B4GALNT3: variants seen among roughly 807,000 people sequenced by gnomAD.
B4GALNT3 encodes the protein beta-1,4-N-acetylgalactosaminyltransferase 3.
Under a neutral mutation model 120.2 loss-of-function variants are expected in B4GALNT3, and 86 were observed. That is an observed-to-expected ratio of 0.72 (90% confidence interval 0.60 to 0.86). The LOEUF is 0.86. Among genes scored for constraint, B4GALNT3 ranks in the 40% least tolerant of loss-of-function variants. B4GALNT3 has a pLI of 0.00. For missense variants in B4GALNT3, 1,167 were observed against 1,298.9 expected (o/e 0.90, Z 1.56); for synonymous variants, 518 against 510.4 (o/e 1.01, Z -0.20).
chr12:544,787 T>C, intron 4 of B4GALNT3, 95 bp from the exon 5 acceptor site: 1 of 1,241,470 alleles, frequency 8.1e-7, no homozygotes, highest in Non-Finnish European at 1.2e-6. Flanking sequence ...TGGTCCCTCC[T>C]GTCATAGTCC....
At chr12:504,806 C>T (rs1388444810) in intron 1 of B4GALNT3, among the ~76,000 whole-genome samples, 1 of 152,080 alleles carries the variant, frequency 6.6e-6, no homozygotes. Context: ...GCCCTTAATT[C>T]CCTTAACCCT....
chr12:509,624 G>T (rs34019521), intron 1 of B4GALNT3, among the ~76,000 whole-genome samples: 15 of 152,076 alleles, frequency 9.9e-5, no homozygotes, highest in Non-Finnish European at 1.9e-4. Context: ...CCTGGGTAGG[G>T]GGGTGGCAAG....
intron 1 of B4GALNT3, among the ~76,000 whole-genome samples, chr12:496,686 A>G (rs988863520): frequency 9.9e-5 from 15 of 152,078 alleles, no homozygotes; most frequent in African/African-American, 3.1e-4. Flanking sequence ...CTAGTTCCCA[A>G]ATATTTCCGT....
At chr12:551,949 C>T (rs1452961988) in intron 11 of B4GALNT3, 114 bp from the exon 12 acceptor site, 10 of 790,830 alleles carry the variant, frequency 1.3e-5, no homozygotes, top group Middle Eastern at 2.3e-4. Flanking sequence ...CTGCCAAGGG[C>T]GGGTCCCTAG....
Position 465,392 on chromosome 12 carries a change from CTGTGTT to C in B4GALNT3, c.169+4849_169+4854del, listed in dbSNP as rs1377761879. Among the ~76,000 whole-genome samples the C allele has an allele frequency of 3.3e-5, 5 of 152,276 alleles. No homozygotes were observed. In the East Asian group the frequency reaches 5.8e-4, roughly 18 times the overall value. On this transcript the variant is annotated intron_variant, in intron 1 of 19. Coordinates refer to ENST00000266383, the MANE Select transcript of B4GALNT3 (RefSeq NM_173593.4). ...ACCTGATATTTTCCACTGGCAGATA[CTGTGTT>C]TATCAGGGACTGATCCAAGAATAGA...
intron 1 of B4GALNT3, among the ~76,000 whole-genome samples, chr12:478,109 G>A (rs1290564679): frequency 6.6e-6 from 1 of 152,006 alleles, no homozygotes; most frequent in Non-Finnish European, 1.5e-5. Flanking sequence ...AGTTAGCCAG[G>A]CATGGTGGCC....
At chr12:498,155 C>G (rs1372652611) in intron 1 of B4GALNT3, among the ~76,000 whole-genome samples, 1 of 152,204 alleles carries the variant, frequency 6.6e-6, no homozygotes, top group Non-Finnish European at 1.5e-5. Flanking sequence ...GGCAGTGCCC[C>G]ACAGTTGCCC....
In B4GALNT3 at chr12:511,013, CTTTTTTTTTTTTTTTTTTTT is replaced by C. The variant is rs762032000; in HGVS notation, c.170-24130_170-24111del. On this transcript the variant is annotated intron_variant, in intron 1 of 19. Coordinates refer to ENST00000266383, the MANE Select transcript of B4GALNT3 (RefSeq NM_173593.4). ...TTTGGTCTCTATGGATTTGCCTATT[CTTTTTTTTTTTTTTTTTTTT>C]TTTTTTTTTTTTTTTTTTTTTTGAG... Among the ~76,000 whole-genome samples, 422 of 43,880 alleles carry C rather than the reference CTTTTTTTTTTTTTTTTTTTT, an allele frequency of 9.6e-3. 8 individuals are homozygous for C. Among genetic ancestry groups the C allele is most frequent in the African/African-American group, 0.032 (388 of 12,270 alleles). The allele number at this position is 43,880 out of a possible 152,430, so 28.8% of individuals were successfully genotyped here.
chr12:539,396 T>C (rs1027528443), intron 3 of B4GALNT3, among the ~76,000 whole-genome samples: 1 of 152,118 alleles, frequency 6.6e-6, no homozygotes, highest in Non-Finnish European at 1.5e-5. Context: ...AGAAAGAAAT[T>C]TGGTGAGTAC....
rs1947113460 is a variant in B4GALNT3 at position 553,848 on chromosome 12, A to G, written c.1925A>G (p.Asn642Ser). 1.2e-6 allele frequency: 2 copies of G among 1,614,166 alleles called. No individual in the cohort carries two copies. Among genetic ancestry groups the G allele is most frequent in the African/African-American group, 2.7e-5 (2 of 75,042 alleles). ...TGGGACCAGACCTTCAGTGCCCGGA[A>G]TCTCGACTTCCAAGCCCTGAGGACT... Reference protein sequence around the residue: ...VNWDQTFSARNLDFQALRTDW... With the variant: ...VNWDQTFSARSLDFQALRTDW... Residue 642 changes from asparagine (N) to serine (S), a missense_variant, in exon 14 of 20, where the codon AAT becomes AGT. Asn to Ser is a conservative substitution (Grantham distance 46, BLOSUM62 1). Around this residue, in one of 3 missense-constraint regions of B4GALNT3, gnomAD observed 983 missense variants for 1,102.5 expected, o/e 0.89. Coordinates refer to ENST00000266383, the MANE Select transcript of B4GALNT3 (RefSeq NM_173593.4).
chr12:512,914 ACCT>A (rs1946608091), intron 1 of B4GALNT3, among the ~76,000 whole-genome samples: 1 of 93,960 alleles, frequency 1.1e-5, no homozygotes, highest in Non-Finnish European at 2.2e-5. Context: ...TCCGCTTTCC[ACCT>A]TCTGCCTTCC....
chr12:500,767 C>T (rs1946431450), intron 1 of B4GALNT3, among the ~76,000 whole-genome samples: 1 of 150,800 alleles, frequency 6.6e-6, no homozygotes, highest in East Asian at 2.0e-4. Flanking sequence ...AAGGCCAGGG[C>T]TGGCATCCAT....
intron 1 of B4GALNT3, among the ~76,000 whole-genome samples, chr12:462,365 C>T (rs1206496959): frequency 6.7e-6 from 1 of 149,644 alleles, no homozygotes; most frequent in Admixed American, 6.7e-5. Context: ...TCTTTTACCT[C>T]CGGTGTGTTT....
chr12:496,549 A>G (rs1480744895), intron 1 of B4GALNT3, among the ~76,000 whole-genome samples: 1 of 152,126 alleles, frequency 6.6e-6, no homozygotes, highest in Non-Finnish European at 1.5e-5. Context: ...GCAGTGAGCC[A>G]ATATTGCACT....
At chr12:547,210 G>A (rs1393532755) in intron 7 of B4GALNT3, among the ~76,000 whole-genome samples, 2 of 152,130 alleles carry the variant, frequency 1.3e-5, no homozygotes, top group African/African-American at 2.4e-5. Flanking sequence ...GGACGGGCGT[G>A]GGGGTGAGGA....
intron 1 of B4GALNT3, among the ~76,000 whole-genome samples, chr12:478,205 G>A (rs1182315636): frequency 4.3e-5 from 6 of 140,666 alleles, no homozygotes; most frequent in Non-Finnish European, 6.0e-5. Flanking sequence ...AGCTGTGTTC[G>A]CACTACTGCA....
chr12:493,687 A>G (rs566865385), intron 1 of B4GALNT3, among the ~76,000 whole-genome samples: 1 of 151,836 alleles, frequency 6.6e-6, no homozygotes, highest in African/African-American at 2.4e-5. Flanking sequence ...CATCTCAGCC[A>G]CTTTCCTTAG....
intron 18 of B4GALNT3, among the ~76,000 whole-genome samples, 172 bp from the exon 19 acceptor site, chr12:559,123 G>T (rs1947193993): frequency 6.6e-6 from 1 of 151,970 alleles, no homozygotes; most frequent in African/African-American, 2.4e-5. Flanking sequence ...CTTAGTTAGG[G>T]GTCTTTCCTC....
intron 13 of B4GALNT3, chr12:552,838 GT>G: frequency 2.0e-6 from 1 of 500,786 alleles, no homozygotes; most frequent in Non-Finnish European, 3.5e-6. Context: ...GGAGGTTCTG[GT>G]TTAGAGAAGC....
Sources: gnomAD v4.1 joint callset for allele counts (sites outside exome capture counted in the v4.1 genomes callset) on GRCh38, gnomAD v4.1.1 for gene constraint, gnomAD v4.1.1 regional missense constraint, MANE v1.5 for transcripts, NCBI Gene and HGNC (gene_info 2026-07-23, HGNC 2026-07-21) for gene names.